The following ALDOA variants were observed in gnomAD, a reference collection of about 807,000 sequenced individuals.
The protein encoded by ALDOA is aldolase, fructose-bisphosphate A.
Under a neutral mutation model 43.9 loss-of-function variants are expected in ALDOA, and 26 were observed. The ratio of observed to expected loss-of-function variants is 0.59; its 90% CI spans 0.43 to 0.82. ALDOA has a LOEUF of 0.82. ALDOA is among the 40% of genes least tolerant of loss of function. The pLI is 0.00. For synonymous variants in ALDOA, 258 were observed against 222.6 expected, an observed-to-expected ratio of 1.16 and a Z score of -1.42; for missense variants, 498 against 549.5, an observed-to-expected ratio of 0.91 and a Z score of 0.94.
upstream of ALDOA, chr16:30,064,665 T>A: frequency 5.1e-6 from 2 of 392,240 alleles, no homozygotes; most frequent in Admixed American, 8.9e-5. Context: ...AGGGCAGGGG[T>A]CATTAGAGAA....
upstream of ALDOA, chr16:30,064,451 G>A (rs1458490017): frequency 2.5e-6 from 1 of 398,662 alleles, no homozygotes; most frequent in African/African-American, 2.1e-5. Context: ...TATTTCTCTT[G>A]ACAACCAAGG....
At position 30,068,931 on chromosome 16, in the gene ALDOA, A is replaced by G; in HGVS notation, c.655A>G (p.Met219Val). The stretch of plus-strand genomic sequence containing the variant: ...ACACACCCCCTCAGCCCTCGCCATC[A>G]TGGAAAATGCCAATGTTCTGGCCCG... ...GEHTPSALAIMENANVLARYA... is the reference protein window; with the variant it reads ...GEHTPSALAIVENANVLARYA... Residue 219 changes from methionine to valine, a missense_variant, in exon 6 of 10, where the codon ATG (methionine) becomes GTG (valine). By Grantham distance (21) the Met-to-Val change is conservative. Coordinates refer to ENST00000642816, the MANE Select transcript of ALDOA (RefSeq NM_001243177.4). The G allele has an allele frequency of 6.2e-7, 1 of 1,614,240 alleles. No homozygotes were observed. The highest frequency in any genetic ancestry group is 8.5e-7 in the Non-Finnish European group (1 of 1,180,036).
In ALDOA at chr16:30,067,598, G is replaced by A. The variant is rs879086664; in HGVS notation, c.423G>A (p.Lys141=). The change falls in exon 4 of 10, where the codon AAG becomes AAA. Residue 141 remains lysine (K), a synonymous_variant. Coordinates refer to ENST00000642816, the MANE Select transcript of ALDOA (RefSeq NM_001243177.4). The stretch of plus-strand genomic sequence containing the variant: ...TCTTCCATGAGACACTCTACCAGAA[G>A]GCGGATGATGGGCGTCCCTTCCCCC... The part of the protein sequence containing the change: ...VILFHETLYQ[K]ADDGRPFPQV... The A allele has an allele frequency of 5.0e-6, 8 of 1,613,998 alleles. No homozygotes were observed. The South Asian group carries it at 8.8e-5, about 18-fold the overall frequency.
Position 30,069,619 on chromosome 16 carries a change from A to T in ALDOA, c.907A>T (p.Ile303Phe). The stretch of plus-strand genomic sequence containing the variant: ...CACTCAGAAGTTTTCTCATGAGGAG[A>T]TTGCCATGGCGACCGTCACAGCGCT... ...ACTQKFSHEE[I>F]AMATVTALRR... The change falls in exon 8 of 10, where the codon ATT (isoleucine) becomes TTT (phenylalanine). Residue 303 changes from isoleucine (I) to phenylalanine (F), a missense_variant. Physicochemically the swap from Ile to Phe is conservative, Grantham distance 21. Transcript: ENST00000642816. 1.9e-6 allele frequency: 3 copies of T among 1,613,988 alleles called. No individual in the cohort carries two copies. Among genetic ancestry groups the T allele is most frequent in the Non-Finnish European group, 2.5e-6 (3 of 1,180,008 alleles).
Position 30,070,345 on chromosome 16 carries a change from TGTC to T in ALDOA, c.*137_*139del. On this transcript the variant is annotated 3_prime_UTR_variant, in exon 10 of 10. Coordinates refer to ENST00000642816, the MANE Select transcript of ALDOA (RefSeq NM_001243177.4). Reference sequence around the variant, plus strand: ...CTTCCCTCGTGACAGTGGTGTGTGGTGTCGTCTGTGAATGCTAAGTCCATCACC... The same window carrying T: ...CTTCCCTCGTGACAGTGGTGTGTGGTGTCTGTGAATGCTAAGTCCATCACC... 2.5e-6 allele frequency: 2 copies of T among 804,684 alleles called. No individual in the cohort carries two copies. The highest frequency in any genetic ancestry group is 4.2e-6 in the Non-Finnish European group (2 of 476,396). 49.8% of individuals were successfully genotyped at this position (804,684 alleles called of 1,614,324 possible).
At chr16:30,065,468 C>A (rs559877885), upstream of ALDOA, among the ~76,000 whole-genome samples, 1 of 152,348 alleles carries the variant, frequency 6.6e-6, no homozygotes, top group East Asian at 1.9e-4. Context: ...CCATTGCCAA[C>A]ATTCTGGCTG....
rs374231136 is a variant in ALDOA at position 30,069,843 on chromosome 16, G to A, written c.975G>A (p.Leu325=). Residue 325 remains leucine (L), a synonymous_variant, in exon 9 of 10, where the codon CTG becomes CTA. Transcript: ENST00000642816. ...CCTGCTCTACAGGGATCACCTTCCT[G>A]TCTGGAGGCCAGAGTGAGGAGGAGG... ...VPPAVTGITF[L]SGGQSEEEAS... 1.9e-6 allele frequency: 3 copies of A among 1,614,024 alleles called. No individual in the cohort carries two copies. The highest frequency in any genetic ancestry group is 2.5e-6 in the Non-Finnish European group (3 of 1,180,038).
In ALDOA at chr16:30,070,362, A is replaced by G. The variant is rs1410350846; in HGVS notation, c.*150A>G. On this transcript the variant is annotated 3_prime_UTR_variant, in exon 10 of 10. Coordinates refer to ENST00000642816, the MANE Select transcript of ALDOA (RefSeq NM_001243177.4). Reference sequence around the variant, plus strand: ...GTGTGTGGTGTCGTCTGTGAATGCTAAGTCCATCACCCTTTCCGGCACACT... The same window carrying G: ...GTGTGTGGTGTCGTCTGTGAATGCTGAGTCCATCACCCTTTCCGGCACACT... 1.4e-6 allele frequency: 1 copy of G among 721,006 alleles called. No homozygotes were observed. The highest frequency in any genetic ancestry group is 2.4e-6 in the Non-Finnish European group (1 of 411,410). 44.7% of individuals were successfully genotyped at this position (721,006 alleles called of 1,614,324 possible).
intron 2 of ALDOA, 33 bp downstream of exon 2, chr16:30,067,071 G>A (rs2072135792): frequency 6.4e-7 from 1 of 1,572,790 alleles, no homozygotes; most frequent in Admixed American, 1.9e-5. Flanking sequence ...GGGAAGTTGG[G>A]CGTAAGAGAG....
rs763939598 is a variant in ALDOA at position 30,070,103 on chromosome 16, CT to C, written c.1162-13del. ...GAGAAGAGCCCTTCTCACTCCACCC[CT>C]CTCCCTGCTTAGGCCAACAGCCTTG... On this transcript the variant is annotated splice_polypyrimidine_tract_variant and intron_variant, in intron 9 of 9. Coordinates refer to ENST00000642816, the MANE Select transcript of ALDOA (RefSeq NM_001243177.4). 6 of 1,613,938 alleles carry C rather than the reference CT, an allele frequency of 3.7e-6. No individual in the cohort carries two copies. The East Asian group carries it at 1.1e-4, about 30-fold the overall frequency.
upstream of ALDOA, among the ~76,000 whole-genome samples, chr16:30,065,119 T>C (rs768671664): frequency 1.2e-4 from 19 of 152,212 alleles, no homozygotes; most frequent in Non-Finnish European, 2.4e-4. Context: ...CAGCCCGGCC[T>C]GCCAGCCTGG....
At position 30,066,893 on chromosome 16, in the gene ALDOA, A is replaced by T. The variant is rs1259522967; in HGVS notation, c.-5A>T. ...TTCGGTTTTGTTTTCAGGCAAGGTGACCCCATGGCAAGGCGCAAGCCAGAA... is the reference window on the plus strand; with the variant it reads ...TTCGGTTTTGTTTTCAGGCAAGGTGTCCCCATGGCAAGGCGCAAGCCAGAA... On this transcript the variant is annotated 5_prime_UTR_variant, in exon 2 of 10. Transcript: ENST00000642816. The T allele has an allele frequency of 6.5e-7, 1 of 1,548,734 alleles. No homozygotes were observed. The highest frequency in any genetic ancestry group is 8.7e-7 in the Non-Finnish European group (1 of 1,145,822).
intron 3 of ALDOA, 36 bp downstream of exon 3, chr16:30,067,402 G>A: frequency 1.2e-6 from 2 of 1,614,000 alleles, no homozygotes; most frequent in South Asian, 1.1e-5. Flanking sequence ...GAGGGTGCAG[G>A]GTTGGGAGTG....
upstream of ALDOA, chr16:30,064,714 T>A (rs2072041554): frequency 2.9e-6 from 1 of 344,972 alleles, no homozygotes; most frequent in Non-Finnish European, 5.2e-6. Flanking sequence ...AGCTGCCTTA[T>A]AACCAGCCCG....
At position 30,067,288 on chromosome 16, in the gene ALDOA, C is replaced by T; in HGVS notation, c.196C>T (p.Gln66Ter). ...CCAATATCCAGCACTGACCCCGGAG[C>T]AGAAGAAGGAGCTGTCTGACATCGC... Reference protein sequence around the residue: ...PYQYPALTPEQKKELSDIAHR... With the variant: ...PYQYPALTPE Residue 66 changes from glutamine (Q) to a stop codon, truncating the protein, a stop_gained, in exon 3 of 10, where the codon CAG becomes TAG. Coordinates refer to ENST00000642816, the MANE Select transcript of ALDOA (RefSeq NM_001243177.4). LOFTEE classifies it high-confidence loss of function. 6.2e-7 allele frequency: 1 copy of T among 1,612,700 alleles called. No individual in the cohort carries two copies. The highest frequency in any genetic ancestry group is 8.5e-7 in the Non-Finnish European group (1 of 1,180,004).
rs1223036105 is a variant in ALDOA at position 30,065,937 on chromosome 16, C to G, written c.-14+10C>G. 4 of 153,006 alleles carry G rather than the reference C, an allele frequency of 2.6e-5. No individual in the cohort carries two copies. The highest frequency in any genetic ancestry group is 5.9e-5 in the Non-Finnish European group (4 of 68,286). The allele number at this position is 153,006 out of a possible 1,614,324, so 9.5% of individuals were successfully genotyped here. On this transcript the variant is annotated intron_variant, in intron 1 of 9. Transcript: ENST00000642816. ...CCCTCTCCTGTGCCAGGTGAGCGCC[C>G]CTCTTCACGTGCGGGGACCAGGGAC...
Position 30,070,011 on chromosome 16 carries a change from GTA to G in ALDOA, c.1145_1146del (p.Tyr382CysfsTer33). The G allele has an allele frequency of 6.2e-7, 1 of 1,613,828 alleles. No individual in the cohort carries two copies. The highest frequency in any genetic ancestry group is 8.5e-7 in the Non-Finnish European group (1 of 1,180,026). Reference protein sequence around the residue: ...KENLKAAQEEYVKRALANSLA... With the variant: ...KENLKAAQEEXVKRALANSLA... ...AGAACCTGAAGGCTGCGCAGGAGGA[GTA>G]TGTCAAGCGAGCCCTGGTAAGGATA... On this transcript the variant is annotated frameshift_variant, in exon 9 of 10. Coordinates refer to ENST00000642816, the MANE Select transcript of ALDOA (RefSeq NM_001243177.4). LOFTEE classifies it high-confidence loss of function.
chr16:30,070,211 A>C lies in ALDOA; in HGVS notation c.1256A>C (p.Ter419SerextTer48), dbSNP rs1308894957. Residue 419 changes from the stop codon to serine, a stop_lost, in exon 10 of 10, where the codon TAA becomes TCA. Coordinates refer to ENST00000642816, the MANE Select transcript of ALDOA (RefSeq NM_001243177.4). ...CTCTTCGTCTCTAACCACGCCTATT[A>C]AGCGGAGGTGTTCCCAGGCTGCCCC... ...ESLFVSNHAY[*>S] 6.2e-7 allele frequency: 1 copy of C among 1,613,994 alleles called. No individual in the cohort carries two copies. The highest frequency in any genetic ancestry group is 2.2e-5 in the East Asian group (1 of 44,874).
upstream of ALDOA, among the ~76,000 whole-genome samples, chr16:30,065,035 T>C (rs2072050780): frequency 6.6e-6 from 1 of 152,222 alleles, no homozygotes; most frequent in Non-Finnish European, 1.5e-5. Flanking sequence ...CCGCGCATTC[T>C]GGTTTTCTGT....
Sources: gnomAD v4.1 joint callset for allele counts (sites outside exome capture counted in the v4.1 genomes callset) on GRCh38, gnomAD v4.1.1 for gene constraint, MANE v1.5 for transcripts, NCBI Gene and HGNC (gene_info 2026-07-23, HGNC 2026-07-21) for gene names.